The following NCALD variants were observed in gnomAD, a reference collection of about 807,000 sequenced individuals.
NCALD encodes the protein neurocalcin-delta.
NCALD carries 10 observed loss-of-function variants against 18.6 expected under a neutral mutation model. The ratio of observed to expected loss-of-function variants is 0.54; its 90% CI spans 0.33 to 0.91. The LOEUF (loss-of-function observed/expected upper bound fraction) is 0.91, where lower values mean the gene tolerates loss of function less well. Ranked by LOEUF, NCALD falls within the 40% of genes least tolerant of loss-of-function variation. NCALD has a pLI of 0.03. For synonymous variants in NCALD, 88 were observed against 87.4 expected (o/e 1.01, Z -0.04); for missense variants, 184 against 247.6 (o/e 0.74, Z 1.72).
At chr8:101,714,982 C>T (rs1183997331) in intron 2 of NCALD, among the ~76,000 whole-genome samples, 23 of 143,372 alleles carry the variant, frequency 1.6e-4, no homozygotes, top group African/African-American at 3.8e-4. Context: ...CCGGCCTGGG[C>T]GACAGAGCGA....
At chr8:101,784,189 G>A (rs961474733) in intron 1 of NCALD, among the ~76,000 whole-genome samples, 1 of 152,110 alleles carries the variant, frequency 6.6e-6, no homozygotes, top group Non-Finnish European at 1.5e-5. Context: ...CTGACAGCTT[G>A]CTCACTCACA....
At chr8:101,771,157 C>A (rs1811571029) in intron 1 of NCALD, among the ~76,000 whole-genome samples, 1 of 152,288 alleles carries the variant, frequency 6.6e-6, no homozygotes, top group East Asian at 1.9e-4. Context: ...ATGAAACCCA[C>A]AAACAATAAC....
chr8:101,753,847 C>G (rs1810762188), intron 1 of NCALD, among the ~76,000 whole-genome samples: 1 of 152,118 alleles, frequency 6.6e-6, no homozygotes, highest in African/African-American at 2.4e-5. Flanking sequence ...CATTATTAAA[C>G]CACAGAATTA....
intron 1 of NCALD, among the ~76,000 whole-genome samples, chr8:101,786,681 T>C (rs1318986365): frequency 5.9e-5 from 9 of 152,188 alleles, no homozygotes; most frequent in Non-Finnish European, 1.3e-4. Context: ...AAAAAATTCA[T>C]CCTTGCATAA....
chr8:102,039,601 C>T (rs1183064483), intron 1 of NCALD, among the ~76,000 whole-genome samples: 2 of 152,268 alleles, frequency 1.3e-5, no homozygotes, highest in South Asian at 2.1e-4. Flanking sequence ...GCTCCCTATT[C>T]TGCCACTTAC....
intron 1 of NCALD, among the ~76,000 whole-genome samples, chr8:102,052,611 A>T: frequency 6.6e-6 from 1 of 152,270 alleles, no homozygotes; most frequent in Admixed American, 6.5e-5. Flanking sequence ...CCAACCTGGT[A>T]ACAGTTTCCA....
At chr8:101,690,936 T>C (rs1189420906) in intron 3 of NCALD, 1 of 985,298 alleles carries the variant, frequency 1.0e-6, no homozygotes, top group Non-Finnish European at 1.2e-6. Flanking sequence ...CGGCATGACG[T>C]CTGGCTTTCT....
intron 2 of NCALD, among the ~76,000 whole-genome samples, chr8:101,927,732 T>C (rs1423824672): frequency 6.6e-6 from 1 of 152,168 alleles, no homozygotes; most frequent in Non-Finnish European, 1.5e-5. Context: ...CAGTTGTGTC[T>C]ACCCAGTGTC....
At chr8:101,715,685 C>T (rs1360026034) in intron 2 of NCALD, among the ~76,000 whole-genome samples, 1 of 152,146 alleles carries the variant, frequency 6.6e-6, no homozygotes, top group Non-Finnish European at 1.5e-5. Flanking sequence ...CAAAAGAAGA[C>T]ATTTATGTGG....
rs111808936 is a variant in NCALD, at chr8:101,690,470, C to G, written c.485-1064G>C. ...CTCTGCACGCCTGTGGGTTTTTCAGCACGTCCTTGGACTCTCACGCTAAGC... is the reference window on the plus strand; with the variant it reads ...CTCTGCACGCCTGTGGGTTTTTCAGGACGTCCTTGGACTCTCACGCTAAGC... On this transcript the variant is annotated intron_variant, in intron 3 of 3. Coordinates refer to ENST00000220931, the MANE Select transcript of NCALD (RefSeq NM_032041.3). 2,703 of 985,474 alleles carry G rather than the reference C, an allele frequency of 2.7e-3. 53 individuals are homozygous for G. The African/African-American group carries it at 0.043, about 16-fold the overall frequency. The allele number at this position is 985,474 out of a possible 1,614,324, so 61.0% of individuals were successfully genotyped here. A position where few individuals can be genotyped will look rare whatever the true frequency, so the allele number is the denominator to read the frequency against.
chr8:102,019,187 G>A (rs868570053), intron 2 of NCALD, among the ~76,000 whole-genome samples: 12 of 151,954 alleles, frequency 7.9e-5, no homozygotes, highest in Middle Eastern at 6.8e-3. Context: ...TAGTCTATAA[G>A]GAAATGCAAA....
chr8:102,085,368 A>T (rs1004426842), intron 1 of NCALD, among the ~76,000 whole-genome samples: 1 of 152,216 alleles, frequency 6.6e-6, no homozygotes, highest in Admixed American at 6.5e-5. Flanking sequence ...GTAAACTCCT[A>T]TCTATGCAGC....
At chr8:101,903,513 T>C (rs1160219452) in intron 3 of NCALD, among the ~76,000 whole-genome samples, 1 of 152,146 alleles carries the variant, frequency 6.6e-6, no homozygotes, top group Non-Finnish European at 1.5e-5. Flanking sequence ...AGGAATTTCA[T>C]CTGTGCTTTT....
intron 1 of NCALD, among the ~76,000 whole-genome samples, chr8:102,022,604 C>CT (rs1270640303): frequency 1.3e-5 from 2 of 152,168 alleles, no homozygotes; most frequent in Non-Finnish European, 2.9e-5. Flanking sequence ...AAACAGGTTC[C>CT]TGCAGTGTCC....
chr8:101,924,833 A>G (rs1452308167), intron 2 of NCALD, among the ~76,000 whole-genome samples: 1 of 152,218 alleles, frequency 6.6e-6, no homozygotes, highest in East Asian at 1.9e-4. Context: ...GAGTCTTTAA[A>G]TAAGGATTCA....
At chr8:102,081,352 C>T (rs372508345) in intron 1 of NCALD, among the ~76,000 whole-genome samples, 225 of 152,086 alleles carry the variant, frequency 1.5e-3, no homozygotes, top group African/African-American at 5.0e-3. Context: ...GAGGTTAAAC[C>T]TCTTTAATGA....
chr8:101,782,382 A>T (rs1323222224), intron 1 of NCALD, among the ~76,000 whole-genome samples: 2 of 152,182 alleles, frequency 1.3e-5, no homozygotes, highest in Non-Finnish European at 2.9e-5. Flanking sequence ...AGAAAAATGG[A>T]CAAAAATACT....
intron 4 of NCALD, among the ~76,000 whole-genome samples, chr8:101,799,454 A>C (rs1193987915): frequency 6.6e-6 from 1 of 152,242 alleles, no homozygotes; most frequent in African/African-American, 2.4e-5. Context: ...AGACACGCTA[A>C]CACAAAAACC....
chr8:101,764,058 T>A (rs1811242292), intron 1 of NCALD, among the ~76,000 whole-genome samples: 1 of 150,266 alleles, frequency 6.7e-6, no homozygotes. Flanking sequence ...AATAATGCAC[T>A]GAGCTTGGGA....
Sources: gnomAD v4.1 joint callset for allele counts (sites outside exome capture counted in the v4.1 genomes callset) on GRCh38, gnomAD v4.1.1 for gene constraint, MANE v1.5 for transcripts, NCBI Gene and HGNC (gene_info 2026-07-23, HGNC 2026-07-21) for gene names.